GPM6A: variants seen among roughly 807,000 people sequenced by gnomAD.
GPM6A encodes the protein glycoprotein M6A.
In GPM6A, 7 loss-of-function variants were observed where a neutral mutation model predicts 32.1. The ratio of observed to expected loss-of-function variants is 0.22; its 90% CI spans 0.12 to 0.41. The LOEUF is 0.41. Ranked by LOEUF, GPM6A falls within the 10% of genes least tolerant of loss-of-function variation. GPM6A has a pLI of 1.00. For missense variants in GPM6A, 235 were observed against 347.2 expected (o/e 0.68, Z 2.57); for synonymous variants, 130 against 123.4 (o/e 1.05, Z -0.35).
At chr4:175,727,459 C>T (rs987730705) in intron 1 of GPM6A, among the ~76,000 whole-genome samples, 5 of 152,202 alleles carry the variant, frequency 3.3e-5, no homozygotes, top group African/African-American at 1.2e-4. Context: ...ATTCAATATC[C>T]TTAACTTTTA....
intron 1 of GPM6A, among the ~76,000 whole-genome samples, chr4:175,728,130 A>C (rs1731263874): frequency 6.6e-6 from 1 of 152,186 alleles, no homozygotes; most frequent in East Asian, 1.9e-4. Flanking sequence ...ATTAGTATTC[A>C]TCATCATAAG....
chr4:175,911,803 G>A (rs57621266), intron 1 of GPM6A, among the ~76,000 whole-genome samples: 1 of 151,938 alleles, frequency 6.6e-6, no homozygotes, highest in Non-Finnish European at 1.5e-5. Context: ...CTGAAGGTGA[G>A]TGATTGCAGG....
chr4:175,962,458 C>T, intron 1 of GPM6A: 2 of 653,694 alleles, frequency 3.1e-6, no homozygotes, highest in Non-Finnish European at 2.9e-6. Flanking sequence ...ATAAGGCAAC[C>T]TTTTTTGCTT....
At chr4:175,857,426 T>C (rs1736449439) in intron 1 of GPM6A, among the ~76,000 whole-genome samples, 1 of 151,976 alleles carries the variant, frequency 6.6e-6, no homozygotes. Context: ...AACATTAAAA[T>C]ATCCAGGACA....
chr4:175,684,130 T>C (rs73020136), intron 2 of GPM6A, among the ~76,000 whole-genome samples: 113 of 152,216 alleles, frequency 7.4e-4, no homozygotes, highest in African/African-American at 2.4e-3. Flanking sequence ...CACCCGGCCT[T>C]ACATTTTTTA....
chr4:175,733,590 C>G (rs551451582), intron 1 of GPM6A, among the ~76,000 whole-genome samples: 1 of 152,146 alleles, frequency 6.6e-6, no homozygotes, highest in Admixed American at 6.5e-5. Flanking sequence ...GAAATGTCTC[C>G]TTATTGGAGG....
chr4:175,849,683 T>A (rs1485465588), intron 1 of GPM6A, among the ~76,000 whole-genome samples: 1 of 152,220 alleles, frequency 6.6e-6, no homozygotes, highest in African/African-American at 2.4e-5. Flanking sequence ...TAACTTTTAT[T>A]TGATAAATAT....
intron 2 of GPM6A, among the ~76,000 whole-genome samples, chr4:175,681,677 C>T (rs947554624): frequency 6.6e-6 from 1 of 152,016 alleles, no homozygotes; most frequent in Non-Finnish European, 1.5e-5. Context: ...CCCACTCTGG[C>T]CATGTGATGT....
At chr4:175,981,734 G>A (rs776103761) in intron 1 of GPM6A, among the ~76,000 whole-genome samples, 2 of 151,914 alleles carry the variant, frequency 1.3e-5, no homozygotes, top group Non-Finnish European at 2.9e-5. Flanking sequence ...TATTTATCTC[G>A]GGTAAATACA....
chr4:175,727,515 T>G (rs1731230278), intron 1 of GPM6A, among the ~76,000 whole-genome samples: 1 of 152,208 alleles, frequency 6.6e-6, no homozygotes, highest in South Asian at 2.1e-4. Flanking sequence ...ATTTCTGGTC[T>G]TTTTAATTAA....
At chr4:175,882,482 C>A (rs1413119349) in intron 1 of GPM6A, among the ~76,000 whole-genome samples, 1 of 151,958 alleles carries the variant, frequency 6.6e-6, no homozygotes, top group South Asian at 2.1e-4. Context: ...AGATTTTTCA[C>A]AAATAATTTA....
chr4:175,998,888 T>C (rs980791523), intron 1 of GPM6A, among the ~76,000 whole-genome samples: 1 of 32,886 alleles, frequency 3.0e-5, no homozygotes, highest in African/African-American at 8.6e-5. Flanking sequence ...TCAAAAACCT[T>C]CCATGACACC....
At chr4:175,719,440 C>A (rs1746005562) in intron 1 of GPM6A, among the ~76,000 whole-genome samples, 2 of 152,024 alleles carry the variant, frequency 1.3e-5, no homozygotes, top group African/African-American at 4.8e-5. Context: ...CCTCATATAA[C>A]ACAAAATTTT....
chr4:175,845,969 C>T (rs990324717), intron 1 of GPM6A, among the ~76,000 whole-genome samples: 9 of 151,996 alleles, frequency 5.9e-5, no homozygotes, highest in African/African-American at 2.2e-4. Flanking sequence ...AATGCTGTCC[C>T]CAAAGTACTG....
intron 1 of GPM6A, among the ~76,000 whole-genome samples, chr4:175,964,778 C>T (rs1021582806): frequency 3.3e-5 from 5 of 152,102 alleles, no homozygotes; most frequent in African/African-American, 1.2e-4. Context: ...GTTGCAGTAG[C>T]TATATTAGTT....
At chr4:175,980,362 A>G (rs573112189) in intron 1 of GPM6A, among the ~76,000 whole-genome samples, 1 of 152,336 alleles carries the variant, frequency 6.6e-6, no homozygotes, top group East Asian at 1.9e-4. Context: ...GTCTCAAAAA[A>G]ACAAAACAAA....
chr4:175,733,035 T>C (rs529385425), intron 1 of GPM6A, among the ~76,000 whole-genome samples: 2 of 152,270 alleles, frequency 1.3e-5, no homozygotes, highest in African/African-American at 2.4e-5. Context: ...ACAGACAATA[T>C]AATAACGAGT....
intron 1 of GPM6A, among the ~76,000 whole-genome samples, chr4:175,805,072 CAA>C (rs1170319463): frequency 6.6e-6 from 1 of 150,888 alleles, no homozygotes; most frequent in African/African-American, 2.4e-5. Context: ...AAAACAAAAA[CAA>C]AATGAAAGTG....
At chr4:175,939,540 G>A (rs974385606) in intron 1 of GPM6A, among the ~76,000 whole-genome samples, 4 of 152,048 alleles carry the variant, frequency 2.6e-5, no homozygotes, top group African/African-American at 9.7e-5. Context: ...ATTAAAGAGA[G>A]GCCACTCTTC....
Sources: gnomAD v4.1 joint callset for allele counts (sites outside exome capture counted in the v4.1 genomes callset) on GRCh38, gnomAD v4.1.1 for gene constraint, MANE v1.5 for transcripts, NCBI Gene and HGNC (gene_info 2026-07-23, HGNC 2026-07-21) for gene names.